Variants in SNX18 observed in about 807,000 individuals in gnomAD.
The protein encoded by SNX18 is sorting nexin-18.
Under a neutral mutation model 48.7 loss-of-function variants are expected in SNX18, and 35 were observed. The ratio of observed to expected loss-of-function variants is 0.72; its 90% CI spans 0.55 to 0.95. SNX18 has a LOEUF of 0.95. SNX18 is among the 40% of genes least tolerant of loss of function. SNX18 has a pLI of 0.00. For missense variants in SNX18, 824 were observed against 871.0 expected (o/e 0.95, Z 0.68); for synonymous variants, 492 against 384.7 (o/e 1.28, Z -3.26).
chr5:54,577,446 G>A, the SNX18 span, among the ~76,000 whole-genome samples: 2,794 of 148,596 alleles, frequency 0.019, 50 homozygotes, highest in East Asian at 0.091. Flanking sequence ...ATTAAAGCCA[G>A]GTCAGGGGAG....
intron 1 of SNX18, among the ~76,000 whole-genome samples, chr5:54,537,105 G>A (rs10940409): frequency 0.39 from 59,416 of 152,040 alleles, 12,573 homozygotes; most frequent in Non-Finnish European, 0.48. Context: ...TGAGGCGGGC[G>A]GATCACTTGA....
chr5:54,598,958 G>A, the SNX18 span, among the ~76,000 whole-genome samples: 23 of 152,312 alleles, frequency 1.5e-4, no homozygotes, highest in Admixed American at 1.1e-3. Context: ...GTCTGCAGAT[G>A]ACATGATCCT....
intron 1 of SNX18, among the ~76,000 whole-genome samples, chr5:54,527,230 T>C (rs1762148399): frequency 6.6e-6 from 1 of 151,910 alleles, no homozygotes; most frequent in South Asian, 2.1e-4. Context: ...GCAATGAGAA[T>C]AGAATGGCGT....
chr5:54,543,204 T>C lies in SNX18; in HGVS notation c.1647T>C (p.Ser549=). The part of the protein sequence containing the change: ...QKGALTKVKE[S]RRHVEEGKME... ...GAGCTCTTACCAAAGTCAAGGAGAG[T>C]AGGCGACACGTGGAGGAAGGGAAGA... The change falls in exon 2 of 2, where the codon AGT becomes AGC. Residue 549 remains serine (S), a synonymous_variant. Transcript: ENST00000381410. 6.2e-7 allele frequency: 1 copy of C among 1,613,876 alleles called. No homozygotes were observed. The highest frequency in any genetic ancestry group is 8.5e-7 in the Non-Finnish European group (1 of 1,179,970).
the SNX18 span, among the ~76,000 whole-genome samples, chr5:54,568,480 C>G: frequency 6.6e-6 from 1 of 152,132 alleles, no homozygotes; most frequent in Non-Finnish European, 1.5e-5. Flanking sequence ...CCCTACTTGA[C>G]TCATTGCTCT....
At chr5:54,646,792 ATG>A in the SNX18 span, among the ~76,000 whole-genome samples, 1 of 152,178 alleles carries the variant, frequency 6.6e-6, no homozygotes, top group Admixed American at 6.5e-5. Flanking sequence ...TCCACCCAGA[ATG>A]TGTTACTTGG....
At chr5:54,601,102 G>GTCCATCCA in the SNX18 span, among the ~76,000 whole-genome samples, 191 of 151,330 alleles carry the variant, frequency 1.3e-3, no homozygotes, top group African/African-American at 4.0e-3. Context: ...CTGTCCATCT[G>GTCCATCCA]TCCATCCATC....
chr5:54,569,696 G>A, the SNX18 span, among the ~76,000 whole-genome samples: 1 of 152,188 alleles, frequency 6.6e-6, no homozygotes, highest in Admixed American at 6.5e-5. Context: ...CTTACAACAT[G>A]GTGGCCTCAG....
the SNX18 span, among the ~76,000 whole-genome samples, chr5:54,563,869 A>G: frequency 6.6e-6 from 1 of 152,056 alleles, no homozygotes; most frequent in East Asian, 1.9e-4. Context: ...TTATTTATAT[A>G]TAGGAATATG....
Position 54,519,333 on chromosome 5 carries a change from A to C in SNX18, c.1381A>C (p.Lys461Gln). 1 of 1,613,592 alleles carries C rather than the reference A, an allele frequency of 6.2e-7. No homozygotes were observed. The change falls in exon 1 of 2, where the codon AAA becomes CAA. Residue 461 changes from lysine to glutamine, a missense_variant. Transcript: ENST00000381410. The part of the protein sequence containing the change: ...EFARKQVTGF[K>Q]KEYQKVGQSF... ...CGCGCGCAAGCAGGTGACCGGCTTCAAAAAGGAGTATCAGAAGGTGGGCCA... is the reference window on the plus strand; with the variant it reads ...CGCGCGCAAGCAGGTGACCGGCTTCCAAAAGGAGTATCAGAAGGTGGGCCA...
At chr5:54,540,937 CAT>C (rs1478263619) in intron 1 of SNX18, among the ~76,000 whole-genome samples, 1 of 152,150 alleles carries the variant, frequency 6.6e-6, no homozygotes, top group South Asian at 2.1e-4. Context: ...CATTATAAAA[CAT>C]GTATTTTATC....
the SNX18 span, among the ~76,000 whole-genome samples, chr5:54,612,280 A>G: frequency 1.2e-4 from 18 of 145,174 alleles, no homozygotes; most frequent in Non-Finnish European, 2.5e-4. Flanking sequence ...TTTTTTTGAG[A>G]TGGAGTCTCA....
the SNX18 span, among the ~76,000 whole-genome samples, chr5:54,617,063 A>G: frequency 1.3e-5 from 2 of 152,174 alleles, no homozygotes; most frequent in South Asian, 4.1e-4. Context: ...TGAGATATAA[A>G]CACTGAGGCA....
At chr5:54,538,360 G>A (rs1454248728) in intron 1 of SNX18, among the ~76,000 whole-genome samples, 2 of 152,204 alleles carry the variant, frequency 1.3e-5, no homozygotes, top group South Asian at 4.1e-4. Context: ...CCCAGAAAGT[G>A]GTTCTGCGTG....
chr5:54,574,998 C>G, the SNX18 span, among the ~76,000 whole-genome samples: 1 of 152,164 alleles, frequency 6.6e-6, no homozygotes, highest in Non-Finnish European at 1.5e-5. Flanking sequence ...CCTGCCACAG[C>G]AGTGTTTTTG....
intron 1 of SNX18, among the ~76,000 whole-genome samples, chr5:54,533,708 G>C (rs1423588091): frequency 6.6e-6 from 1 of 152,234 alleles, no homozygotes; most frequent in Non-Finnish European, 1.5e-5. Flanking sequence ...GCGAAGTGCA[G>C]AGCACAGGTG....
At chr5:54,572,726 T>TTGTGTGTGTGTGTG in the SNX18 span, among the ~76,000 whole-genome samples, 3 of 38,634 alleles carry the variant, frequency 7.8e-5, no homozygotes, top group African/African-American at 2.5e-4. Context: ...CTCCTCCAAA[T>TTGTGTGTGTGTGTG]TGTGTGTGTG....
chr5:54,547,165 T>C (rs1158747476), downstream of SNX18, among the ~76,000 whole-genome samples: 1 of 152,242 alleles, frequency 6.6e-6, no homozygotes, highest in Non-Finnish European at 1.5e-5. Flanking sequence ...TTCACAAATA[T>C]ACTTGGACCA....
In SNX18 at chr5:54,529,362, G is replaced by C. The variant is rs74770352; in HGVS notation, c.1621+9789G>C. ...CAGCCCACGGGCCAGATTCACCCAGGCGCCTGTTTGTTACAGTGCTTGAGC... is the reference window on the plus strand; with the variant it reads ...CAGCCCACGGGCCAGATTCACCCAGCCGCCTGTTTGTTACAGTGCTTGAGC... On this transcript the variant is annotated intron_variant, in intron 1 of 1. Coordinates refer to ENST00000381410, the MANE Select transcript of SNX18 (RefSeq NM_001102575.2). Among the ~76,000 whole-genome samples the C allele has an allele frequency of 4.0e-3, 616 of 152,308 alleles. 6 individuals are homozygous for C. Among genetic ancestry groups the C allele is most frequent in the African/African-American group, 0.013 (553 of 41,552 alleles).
Sources: gnomAD v4.1 joint callset for allele counts (sites outside exome capture counted in the v4.1 genomes callset) on GRCh38, gnomAD v4.1.1 for gene constraint, MANE v1.5 for transcripts, NCBI Gene and HGNC (gene_info 2026-07-23, HGNC 2026-07-21) for gene names.